The following MIER2 variants were observed in gnomAD, a reference collection of about 807,000 sequenced individuals.
MIER2 encodes the protein MIER family member 2.
In MIER2, 30 loss-of-function variants were observed where a neutral mutation model predicts 67.6. That is an observed-to-expected ratio of 0.44 (90% CI 0.33 to 0.60). MIER2 has a LOEUF of 0.60. MIER2 is among the 20% of genes least tolerant of loss of function. The pLI, the probability that MIER2 is intolerant of heterozygous loss-of-function variation, is 0.02. For synonymous variants in MIER2, 372 were observed against 312.6 expected, an observed-to-expected ratio of 1.19 and a Z score of -2.00; for missense variants, 702 against 745.1, an observed-to-expected ratio of 0.94 and a Z score of 0.67.
chr19:334,236 C>T lies in MIER2; in HGVS notation c.243+164G>A, dbSNP rs1972141533. On this transcript the variant is annotated intron_variant, in intron 3 of 13. Coordinates refer to ENST00000264819, the MANE Select transcript of MIER2 (RefSeq NM_017550.3). ...GCTGCTCAGAGAGCCCCATGAAAGA[C>T]CTGGTCTCCACTGAATTTCAGCTAC... The T allele has an allele frequency of 1.1e-5, 11 of 977,132 alleles. No individual in the cohort carries two copies. In the South Asian group the frequency reaches 1.7e-4, roughly 15 times the overall value. The allele number at this position is 977,132 out of a possible 1,614,324, so 60.5% of individuals were successfully genotyped here.
intron 7 of MIER2, among the ~76,000 whole-genome samples, chr19:321,079 C>T (rs1257639171): frequency 6.6e-6 from 1 of 152,234 alleles, no homozygotes; most frequent in Admixed American, 6.5e-5. Flanking sequence ...AGAGCCAAGA[C>T]AGAGCAGCAG....
At chr19:340,318 G>C (rs1972445760) in intron 1 of MIER2, among the ~76,000 whole-genome samples, 1 of 152,164 alleles carries the variant, frequency 6.6e-6, no homozygotes, top group Admixed American at 6.5e-5. Context: ...CCTCCACACA[G>C]GTGAAAACCC....
At chr19:309,871 G>GACACAC (rs61728215) in intron 10 of MIER2, among the ~76,000 whole-genome samples, 2 of 46,426 alleles carry the variant, frequency 4.3e-5, no homozygotes, top group Non-Finnish European at 3.6e-5. Context: ...GACGAGAAGG[G>GACACAC]ACACACACGC....
At chr19:324,556 AGAC>A (rs1971648174) in intron 7 of MIER2, among the ~76,000 whole-genome samples, 1 of 138,930 alleles carries the variant, frequency 7.2e-6, no homozygotes, top group Admixed American at 7.4e-5. Context: ...ACAACCACAC[AGAC>A]GACTCGAATG....
intron 7 of MIER2, among the ~76,000 whole-genome samples, 153 bp downstream of exon 7, chr19:325,482 G>A (rs1971696860): frequency 1.3e-5 from 2 of 152,144 alleles, no homozygotes; most frequent in East Asian, 1.9e-4. Flanking sequence ...CTGCAGCCAC[G>A]AGAGCCTCCC....
Position 310,037 on chromosome 19 carries a change from G to GAC in MIER2, c.985-1114_985-1113dup, listed in dbSNP as rs775690361. On this transcript the variant is annotated intron_variant, in intron 10 of 13. Transcript: ENST00000264819. Reference sequence around the variant, plus strand: ...ACAAGGCTTCAGGGAGACGAGAAGGGACACACACACACACGCACACAAGGC... The same window carrying GAC: ...ACAAGGCTTCAGGGAGACGAGAAGGGACACACACACACACACGCACACAAGGC... Among the ~76,000 whole-genome samples, 129 of 115,220 alleles carry GAC rather than the reference G, an allele frequency of 1.1e-3. 6 individuals carry two copies. Among genetic ancestry groups the GAC allele is most frequent in the Middle Eastern group, 9.8e-3 (2 of 204 alleles). The allele number at this position is 115,220 out of a possible 152,430, so 75.6% of individuals were successfully genotyped here. A position where few individuals can be genotyped will look rare whatever the true frequency, so the allele number is the denominator to read the frequency against.
intron 4 of MIER2, 130 bp downstream of exon 4, chr19:327,734 C>T: frequency 7.0e-7 from 1 of 1,419,310 alleles, no homozygotes. Flanking sequence ...GGGTAGTGGT[C>T]ACAGGTACAT....
At chr19:323,379 C>A (rs1971585028) in intron 7 of MIER2, among the ~76,000 whole-genome samples, 1 of 151,228 alleles carries the variant, frequency 6.6e-6, no homozygotes, top group Admixed American at 6.6e-5. Flanking sequence ...AAGACACACA[C>A]AACCACACAG....
chr19:316,271 C>T (rs1971229361), intron 7 of MIER2, among the ~76,000 whole-genome samples: 2 of 151,982 alleles, frequency 1.3e-5, no homozygotes, highest in South Asian at 4.1e-4. Flanking sequence ...TTTAAAACAA[C>T]AATGTTATCA....
chr19:325,534 CG>C, intron 7 of MIER2, 100 bp downstream of exon 7: 1 of 1,347,342 alleles, frequency 7.4e-7, no homozygotes, highest in Non-Finnish European at 1.1e-6. Context: ...GTGAGCGATG[CG>C]GGGCGGGGAC....
intron 3 of MIER2, chr19:330,525 G>A (rs1455284552): frequency 6.6e-6 from 1 of 150,632 alleles, no homozygotes; most frequent in African/African-American, 2.5e-5. Context: ...CTCCAGCCTG[G>A]GCGACAGCGA....
chr19:326,654 A>G lies in MIER2; in HGVS notation c.494-56T>C, dbSNP rs1971767155. On this transcript the variant is annotated intron_variant, in intron 5 of 13. Transcript: ENST00000264819. Reference sequence around the variant, plus strand: ...GTCTCCACTGCCTGCAGCCTATACAACCCCTTCTCTCCACTCCCATTCTCC... The same window carrying G: ...GTCTCCACTGCCTGCAGCCTATACAGCCCCTTCTCTCCACTCCCATTCTCC... 3.7e-6 allele frequency: 5 copies of G among 1,361,448 alleles called. No individual in the cohort carries two copies. In the Admixed American group the frequency reaches 5.1e-5, roughly 14 times the overall value. 84.3% of individuals were successfully genotyped at this position (1,361,448 alleles called of 1,614,324 possible). A position where few individuals can be genotyped will look rare whatever the true frequency, so the allele number is the denominator to read the frequency against.
chr19:320,529 G>C (rs943771653), intron 7 of MIER2, among the ~76,000 whole-genome samples: 14 of 152,204 alleles, frequency 9.2e-5, no homozygotes, highest in African/African-American at 3.4e-4. Context: ...GCCACAGCTG[G>C]CCGCACAGCA....
chr19:320,079 G>A (rs1460571281), intron 7 of MIER2, among the ~76,000 whole-genome samples: 1 of 152,096 alleles, frequency 6.6e-6, no homozygotes, highest in Non-Finnish European at 1.5e-5. Context: ...TCCACTTAAA[G>A]ACGCCTTACT....
chr19:313,699 C>T (rs1377163678), intron 7 of MIER2, 56 bp from the exon 8 acceptor site: 40 of 1,573,246 alleles, frequency 2.5e-5, no homozygotes, highest in South Asian at 2.2e-4. Flanking sequence ...CACCCACACA[C>T]GCCAGGACAA....
rs1444837834 is a variant in MIER2 at position 327,932 on chromosome 19, G to T, written c.301C>A (p.Pro101Thr). 1 of 1,612,842 alleles carries T rather than the reference G, an allele frequency of 6.2e-7. No individual in the cohort carries two copies. Residue 101 changes from proline (P) to threonine (T), a missense_variant, in exon 4 of 14, where the codon CCC becomes ACC. Around this residue, in one of 3 missense-constraint regions of MIER2, gnomAD observed 320 missense variants for 292.6 expected, o/e 1.09. Coordinates refer to ENST00000264819, the MANE Select transcript of MIER2 (RefSeq NM_017550.3). Reference sequence around the variant, plus strand: ...CCCTCACTCTCCCGGTCTGAAATGGGGTCTGACGCCTCGTAGCCATAGAGC... The same window carrying T: ...CCCTCACTCTCCCGGTCTGAAATGGTGTCTGACGCCTCGTAGCCATAGAGC... Reference protein sequence around the residue: ...LALYGYEASDPISDRESEGGD... With the variant: ...LALYGYEASDTISDRESEGGD...
At chr19:332,120 A>G (rs938027349) in intron 3 of MIER2, among the ~76,000 whole-genome samples, 1 of 151,986 alleles carries the variant, frequency 6.6e-6, no homozygotes, top group Non-Finnish European at 1.5e-5. Flanking sequence ...TTATATTAAC[A>G]TGTCACTGAT....
At chr19:335,369 C>A (rs578190937) in intron 2 of MIER2, among the ~76,000 whole-genome samples, 2 of 152,344 alleles carry the variant, frequency 1.3e-5, no homozygotes, top group Non-Finnish European at 2.9e-5. Flanking sequence ...ACAGAGGACC[C>A]CCAGCGGCAG....
chr19:312,353 G>A, intron 8 of MIER2, 81 bp from the exon 9 acceptor site: 1 of 1,386,634 alleles, frequency 7.2e-7, no homozygotes, highest in Non-Finnish European at 1.0e-6. Flanking sequence ...TCCAGCGAGT[G>A]GCATCAGGGG....
Sources: allele counts gnomAD v4.1 joint callset (sites outside exome capture counted in the v4.1 genomes callset), GRCh38; gene constraint gnomAD v4.1.1; regional missense constraint gnomAD v4.1.1; transcripts MANE v1.5; gene names NCBI Gene and HGNC (gene_info 2026-07-23, HGNC 2026-07-21).